Variants in AKAP19 observed in about 807,000 individuals in gnomAD.
The protein encoded by AKAP19 is small A-kinase anchoring protein.
At chr2:190,068,065 G>A in the AKAP19 span, among the ~76,000 whole-genome samples, 3 of 152,008 alleles carry the variant, frequency 2.0e-5, no homozygotes, top group Non-Finnish European at 4.4e-5. Flanking sequence ...AGCTGGGTGC[G>A]GTGGCGTGAG....
chr2:190,036,259 C>G, the AKAP19 span, among the ~76,000 whole-genome samples: 1 of 152,162 alleles, frequency 6.6e-6, no homozygotes, highest in East Asian at 1.9e-4. Flanking sequence ...TACAGTATAG[C>G]CTTGCCAACT....
chr2:189,915,060 G>A, the AKAP19 span, among the ~76,000 whole-genome samples: 1 of 152,068 alleles, frequency 6.6e-6, no homozygotes, highest in Non-Finnish European at 1.5e-5. Flanking sequence ...AAATCGTTTA[G>A]GCAACTTGCC....
the AKAP19 span, among the ~76,000 whole-genome samples, chr2:189,978,257 T>C: frequency 6.6e-6 from 1 of 152,220 alleles, no homozygotes; most frequent in African/African-American, 2.4e-5. Context: ...TTCCCTCCTT[T>C]TGGAGTCCCC....
At chr2:190,094,954 G>A in the AKAP19 span, among the ~76,000 whole-genome samples, 1 of 152,272 alleles carries the variant, frequency 6.6e-6, no homozygotes, top group East Asian at 1.9e-4. Flanking sequence ...GCCGGGCGCG[G>A]TGGCTCACGC....
the AKAP19 span, among the ~76,000 whole-genome samples, chr2:190,052,081 C>T: frequency 6.6e-5 from 10 of 152,054 alleles, no homozygotes; most frequent in South Asian, 2.1e-4. Flanking sequence ...CCTCGTGATC[C>T]GCCCGCCTCA....
At chr2:190,180,871 C>A in the AKAP19 span, 12 of 985,304 alleles carry the variant, frequency 1.2e-5, no homozygotes, top group Non-Finnish European at 1.4e-5. The surrounding 1 kb of genome is among the most constrained non-coding windows in gnomAD (Gnocchi z 6.8). Flanking sequence ...CCACATGCTG[C>A]CACTTGGCTG....
At chr2:189,898,837 A>C in the AKAP19 span, among the ~76,000 whole-genome samples, 1 of 152,298 alleles carries the variant, frequency 6.6e-6, no homozygotes, top group East Asian at 1.9e-4. Context: ...ATTGCAACGA[A>C]AGAACCTTTC....
chr2:190,185,314 T>TA, the AKAP19 span, among the ~76,000 whole-genome samples: 1 of 152,208 alleles, frequency 6.6e-6, no homozygotes, highest in East Asian at 1.9e-4. Context: ...ATCAAACTGA[T>TA]AAAAGAGTAA....
At chr2:190,175,000 TTACATG>T in the AKAP19 span, among the ~76,000 whole-genome samples, 210 of 65,272 alleles carry the variant, frequency 3.2e-3, 2 homozygotes, top group African/African-American at 6.5e-3. Flanking sequence ...GATACATAGA[TTACATG>T]GAGTACATAG....
At chr2:190,184,994 A>G in the AKAP19 span, among the ~76,000 whole-genome samples, 3 of 152,196 alleles carry the variant, frequency 2.0e-5, no homozygotes, top group African/African-American at 7.2e-5. Context: ...TCATGAAAGA[A>G]CTATGAAACT....
chr2:190,064,006 C>CT, the AKAP19 span, among the ~76,000 whole-genome samples: 2 of 151,578 alleles, frequency 1.3e-5, no homozygotes, highest in South Asian at 2.1e-4. Flanking sequence ...TAGTCCATTA[C>CT]TTTTTTTTTC....
the AKAP19 span, among the ~76,000 whole-genome samples, chr2:189,896,047 ATGT>A: frequency 6.6e-6 from 1 of 151,522 alleles, no homozygotes; most frequent in East Asian, 1.9e-4. Context: ...AATTTCATTT[ATGT>A]ATGTTTTAGT....
the AKAP19 span, among the ~76,000 whole-genome samples, chr2:189,882,926 ATT>A: frequency 1.4e-5 from 2 of 143,174 alleles, no homozygotes; most frequent in African/African-American, 5.1e-5. Context: ...CCCAAGGTTC[ATT>A]TTTTTTTTTC....
chr2:190,078,063 G>A, the AKAP19 span, among the ~76,000 whole-genome samples: 1 of 152,216 alleles, frequency 6.6e-6, no homozygotes, highest in South Asian at 2.1e-4. Flanking sequence ...TCAGATTCAA[G>A]GGGACCTCTA....
chr2:190,003,132 T>C, the AKAP19 span, among the ~76,000 whole-genome samples: 4 of 152,164 alleles, frequency 2.6e-5, no homozygotes, highest in African/African-American at 9.6e-5. Flanking sequence ...AGAACACTAT[T>C]GACTTGTGTA....
the AKAP19 span, among the ~76,000 whole-genome samples, chr2:189,978,699 A>G: frequency 6.6e-6 from 1 of 152,118 alleles, no homozygotes; most frequent in Non-Finnish European, 1.5e-5. Flanking sequence ...ATGGCCTTCA[A>G]CTACATCCAT....
chr2:190,167,194 A>T, the AKAP19 span, among the ~76,000 whole-genome samples: 1 of 152,222 alleles, frequency 6.6e-6, no homozygotes. Context: ...GCGAAAGGTG[A>T]AAGGCACGTC....
chr2:189,997,422 G>A, the AKAP19 span, among the ~76,000 whole-genome samples: 1 of 152,182 alleles, frequency 6.6e-6, no homozygotes, highest in East Asian at 1.9e-4. Context: ...GGGTTAGGCA[G>A]GTCTGAGTTC....
At chr2:190,049,616 G>A in the AKAP19 span, among the ~76,000 whole-genome samples, 1 of 152,132 alleles carries the variant, frequency 6.6e-6, no homozygotes, top group Non-Finnish European at 1.5e-5. Context: ...CAATATCACG[G>A]CCAAACAAAT....
Sources: gnomAD v4.1 joint callset for allele counts (sites outside exome capture counted in the v4.1 genomes callset) on GRCh38, gnomAD v4.1.1 for gene constraint, Gnocchi (gnomAD v3.1) non-coding constraint, MANE v1.5 for transcripts, NCBI Gene and HGNC (gene_info 2026-07-23, HGNC 2026-07-21) for gene names.